Variants in TLN2 observed in about 807,000 individuals in gnomAD.
The protein encoded by TLN2 is talin-2.
TLN2 carries 118 observed loss-of-function variants against 294.7 expected under a neutral mutation model. The ratio of observed to expected loss-of-function variants is 0.40; its 90% CI spans 0.34 to 0.47. The LOEUF is 0.47. Among genes scored for constraint, TLN2 ranks in the 20% least tolerant of loss-of-function variants. The probability of loss-of-function intolerance (pLI) is 0.84; values close to 1 mark genes in which losing one functional copy is unlikely to be tolerated. For missense variants in TLN2, 3,083 were observed against 3,282.2 expected (o/e 0.94, Z 1.48); for synonymous variants, 1,431 against 1,304.5 (o/e 1.10, Z -2.09).
At chr15:62,626,146 G>A (rs1412069746) in intron 3 of TLN2, among the ~76,000 whole-genome samples, 1 of 152,176 alleles carries the variant, frequency 6.6e-6, no homozygotes, top group East Asian at 1.9e-4. Context: ...GTACATAGAA[G>A]ACATTTTAAC....
chr15:62,735,854 G>A (rs1005212413), intron 28 of TLN2, among the ~76,000 whole-genome samples: 4 of 151,976 alleles, frequency 2.6e-5, no homozygotes, highest in Non-Finnish European at 5.9e-5. Context: ...CAGGAGAATG[G>A]GTCAACAAAT....
chr15:62,788,142 C>T (rs564613320), intron 45 of TLN2, among the ~76,000 whole-genome samples: 108 of 151,690 alleles, frequency 7.1e-4, no homozygotes, highest in Non-Finnish European at 1.3e-3. Flanking sequence ...GAAACCCTGT[C>T]TCTACTACAA....
At chr15:62,698,204 G>A (rs1439310025) in intron 15 of TLN2, among the ~76,000 whole-genome samples, 3 of 152,126 alleles carry the variant, frequency 2.0e-5, no homozygotes, top group Admixed American at 1.3e-4. Context: ...TGATTTTGAG[G>A]TTTCACGCTG....
chr15:62,459,288 C>T (rs1330263448), intron 1 of TLN2, among the ~76,000 whole-genome samples: 3 of 141,166 alleles, frequency 2.1e-5, no homozygotes, highest in Non-Finnish European at 3.0e-5. Flanking sequence ...GTGTGAGCCA[C>T]CACGCTCGGC....
At chr15:62,416,869 C>T (rs560402986) in intron 1 of TLN2, among the ~76,000 whole-genome samples, 29 of 152,268 alleles carry the variant, frequency 1.9e-4, no homozygotes, top group African/African-American at 5.5e-4. Context: ...TCAGGATTCT[C>T]ACCTGAAAAA....
At chr15:62,500,374 G>A (rs2039244153) in intron 1 of TLN2, among the ~76,000 whole-genome samples, 1 of 152,084 alleles carries the variant, frequency 6.6e-6, no homozygotes, top group African/African-American at 2.4e-5. Context: ...AATGCAGCAG[G>A]GCTTTCTGGC....
chr15:62,691,757 C>T (rs568798632), intron 12 of TLN2, among the ~76,000 whole-genome samples: 2 of 152,072 alleles, frequency 1.3e-5, no homozygotes, highest in Admixed American at 1.3e-4. Context: ...TCATAGCTCA[C>T]CTCCTGGGCT....
chr15:62,495,258 G>A (rs751439844), intron 1 of TLN2, among the ~76,000 whole-genome samples: 2 of 152,134 alleles, frequency 1.3e-5, no homozygotes, highest in Non-Finnish European at 2.9e-5. Flanking sequence ...AGATGAACGC[G>A]ATACATGTGG....
rs2070882428 is a variant in TLN2, at chr15:62,843,241, C to G, written c.*2631C>G. The G allele has an allele frequency of 6.6e-6, 1 of 152,226 alleles. No individual in the cohort carries two copies. The highest frequency in any genetic ancestry group is 2.4e-5 in the African/African-American group (1 of 41,454). The allele number at this position is 152,226 out of a possible 1,614,324, so 9.4% of individuals were successfully genotyped here. A position where few individuals can be genotyped will look rare whatever the true frequency, so the allele number is the denominator to read the frequency against. On this transcript the variant is annotated 3_prime_UTR_variant, in exon 59 of 59. Transcript: ENST00000636159. ...TCCTCGAGGGCTTTGAATCCTTGGG[C>G]TGATTTTTGTGCCAGAAATTGCTGT... is the stretch of plus-strand genomic sequence containing the variant.
At chr15:62,605,360 A>ACT (rs756513664) in intron 2 of TLN2, among the ~76,000 whole-genome samples, 1 of 152,222 alleles carries the variant, frequency 6.6e-6, no homozygotes, top group Non-Finnish European at 1.5e-5. Context: ...AATTTAATAA[A>ACT]CTAGTAAAAG....
chr15:62,609,366 C>G (rs1352606076), intron 2 of TLN2, among the ~76,000 whole-genome samples: 4 of 152,156 alleles, frequency 2.6e-5, no homozygotes, highest in African/African-American at 9.7e-5. Context: ...TCATCTAATT[C>G]TCAGATGCCG....
intron 1 of TLN2, among the ~76,000 whole-genome samples, chr15:62,524,483 G>A (rs186354571): frequency 2.6e-5 from 4 of 152,268 alleles, no homozygotes; most frequent in Admixed American, 2.0e-4. Flanking sequence ...AGAAGCAAGC[G>A]AGACTGTGTC....
intron 1 of TLN2, among the ~76,000 whole-genome samples, chr15:62,468,409 C>T (rs1014303739): frequency 2.6e-5 from 4 of 152,198 alleles, no homozygotes; most frequent in Non-Finnish European, 5.9e-5. Flanking sequence ...TGTTAAGACA[C>T]TCCAGCCAGT....
chr15:62,782,273 A>G (rs1302700563), intron 44 of TLN2, among the ~76,000 whole-genome samples: 1 of 152,202 alleles, frequency 6.6e-6, no homozygotes, highest in Non-Finnish European at 1.5e-5. Context: ...GGCTTGTTTA[A>G]AAGAATTCGG....
At chr15:62,463,916 C>T (rs1199192521) in intron 1 of TLN2, among the ~76,000 whole-genome samples, 1 of 152,000 alleles carries the variant, frequency 6.6e-6, no homozygotes, top group African/African-American at 2.4e-5. Flanking sequence ...CAAATAAAAA[C>T]CAGGAAACAA....
intron 3 of TLN2, among the ~76,000 whole-genome samples, chr15:62,636,399 C>T (rs1363235752): frequency 6.6e-6 from 1 of 152,092 alleles, no homozygotes; most frequent in Non-Finnish European, 1.5e-5. Context: ...GCTGGATTGG[C>T]AATGTGATGA....
At chr15:62,723,372 G>C (rs2060258736) in intron 26 of TLN2, among the ~76,000 whole-genome samples, 1 of 152,094 alleles carries the variant, frequency 6.6e-6, no homozygotes, top group African/African-American at 2.4e-5. Context: ...TGAGAAACCA[G>C]ATTAGAATTT....
Position 62,574,111 on chromosome 15 carries a change from G to A in TLN2, c.-237-15576G>A, listed in dbSNP as rs191462395. Among the ~76,000 whole-genome samples the A allele has an allele frequency of 1.1e-4, 16 of 152,000 alleles. No homozygotes were observed. In the East Asian group the frequency reaches 2.1e-3, roughly 20 times the overall value. On this transcript the variant is annotated intron_variant, in intron 1 of 58. Transcript: ENST00000636159. Reference sequence around the variant, plus strand: ...TAAGCTGCTTAACTCTCAACTCCTCGGTATTTTAGGTACCATCTGTCTTCC... The same window carrying A: ...TAAGCTGCTTAACTCTCAACTCCTCAGTATTTTAGGTACCATCTGTCTTCC...
At chr15:62,460,422 G>A (rs1304778635) in intron 1 of TLN2, among the ~76,000 whole-genome samples, 2 of 152,122 alleles carry the variant, frequency 1.3e-5, no homozygotes, top group South Asian at 2.1e-4. Flanking sequence ...GTGCCACCAC[G>A]CCTGGCTACT....
Sources: allele counts gnomAD v4.1 joint callset (sites outside exome capture counted in the v4.1 genomes callset), GRCh38; gene constraint gnomAD v4.1.1; transcripts MANE v1.5; gene names NCBI Gene and HGNC (gene_info 2026-07-23, HGNC 2026-07-21).